The following POFUT3 variants were observed in gnomAD, a reference collection of about 807,000 sequenced individuals.
The protein encoded by POFUT3 is protein O-fucosyltransferase 3, also known as GDP-fucose protein O-fucosyltransferase 3.
chr8:33,382,685 C>G, the POFUT3 span, among the ~76,000 whole-genome samples: 1 of 152,206 alleles, frequency 6.6e-6, no homozygotes, highest in East Asian at 1.9e-4. Context: ...CAAATCATCA[C>G]TGTGCACAAG....
the POFUT3 span, among the ~76,000 whole-genome samples, chr8:33,310,052 T>C: frequency 6.6e-6 from 1 of 152,228 alleles, no homozygotes; most frequent in Non-Finnish European, 1.5e-5. Context: ...GAGTATTTTC[T>C]GAAATGTAGC....
the POFUT3 span, among the ~76,000 whole-genome samples, chr8:33,317,461 A>T: frequency 6.6e-6 from 1 of 152,080 alleles, no homozygotes; most frequent in African/African-American, 2.4e-5. Context: ...GAAATCAGGG[A>T]ATCTTTGAAT....
chr8:33,399,106 T>C, the POFUT3 span, among the ~76,000 whole-genome samples: 1 of 152,326 alleles, frequency 6.6e-6, no homozygotes, highest in South Asian at 2.1e-4. Flanking sequence ...ATTGCAAATC[T>C]TTGAAATTTA....
At chr8:33,405,474 TCA>T in the POFUT3 span, among the ~76,000 whole-genome samples, 4 of 151,470 alleles carry the variant, frequency 2.6e-5, no homozygotes, top group Non-Finnish European at 5.9e-5. Context: ...ACTTTGGCAT[TCA>T]GTTATTCTTT....
the POFUT3 span, among the ~76,000 whole-genome samples, chr8:33,428,734 G>A: frequency 6.6e-6 from 1 of 152,170 alleles, no homozygotes; most frequent in Non-Finnish European, 1.5e-5. Context: ...TAATGCCAAT[G>A]ATAAAAGGGT....
chr8:33,465,969 T>A, the POFUT3 span, among the ~76,000 whole-genome samples: 3 of 152,208 alleles, frequency 2.0e-5, no homozygotes, highest in Non-Finnish European at 4.4e-5. Context: ...ACTGCATAGC[T>A]CAGGTCTATC....
At chr8:33,324,542 T>C in the POFUT3 span, among the ~76,000 whole-genome samples, 1 of 152,096 alleles carries the variant, frequency 6.6e-6, no homozygotes, top group Admixed American at 6.6e-5. Context: ...ATGTGACAAA[T>C]ATAAAACCAA....
chr8:33,310,158 A>G, the POFUT3 span, among the ~76,000 whole-genome samples: 849 of 152,216 alleles, frequency 5.6e-3, 14 homozygotes, highest in African/African-American at 0.019. Flanking sequence ...AGAATCATAG[A>G]ATTCTTCTTA....
At chr8:33,430,888 G>A in the POFUT3 span, among the ~76,000 whole-genome samples, 197 of 152,234 alleles carry the variant, frequency 1.3e-3, 1 homozygote, top group Admixed American at 2.2e-3. Flanking sequence ...GATTACAGGC[G>A]TGAGCCACCG....
At chr8:33,411,736 C>T in the POFUT3 span, among the ~76,000 whole-genome samples, 556 of 152,030 alleles carry the variant, frequency 3.7e-3, 8 homozygotes, top group African/African-American at 0.013. Context: ...TGCAGTGAGC[C>T]GAGATGGTGC....
At chr8:33,405,959 G>A in the POFUT3 span, among the ~76,000 whole-genome samples, 1 of 152,150 alleles carries the variant, frequency 6.6e-6, no homozygotes, top group Non-Finnish European at 1.5e-5. Context: ...GGGAAAACTG[G>A]TATAGCTTTT....
the POFUT3 span, among the ~76,000 whole-genome samples, chr8:33,438,072 A>G: frequency 2.6e-5 from 4 of 152,216 alleles, no homozygotes; most frequent in Non-Finnish European, 5.9e-5. Context: ...TTTTGTGATC[A>G]ATAATTTACT....
chr8:33,360,694 C>G, the POFUT3 span: 1 of 152,194 alleles, frequency 6.6e-6, no homozygotes, highest in African/African-American at 2.4e-5. Flanking sequence ...TAAGGTCCCT[C>G]TACCTACTGT....
At chr8:33,373,868 G>A in the POFUT3 span, among the ~76,000 whole-genome samples, 3 of 152,088 alleles carry the variant, frequency 2.0e-5, no homozygotes, top group Non-Finnish European at 4.4e-5. Flanking sequence ...AGAAGAATAG[G>A]AAAATTAGCA....
chr8:33,378,598 G>A, the POFUT3 span, among the ~76,000 whole-genome samples: 3 of 152,116 alleles, frequency 2.0e-5, no homozygotes, highest in Non-Finnish European at 4.4e-5. Context: ...CCCAACATAA[G>A]TTTACTGCTA....
chr8:33,399,663 T>G, the POFUT3 span, among the ~76,000 whole-genome samples: 3 of 144,798 alleles, frequency 2.1e-5, no homozygotes, highest in East Asian at 2.1e-4. Context: ...TATTTATTTG[T>G]TTTTTTTTTG....
chr8:33,419,986 G>A, the POFUT3 span, among the ~76,000 whole-genome samples: 1 of 151,980 alleles, frequency 6.6e-6, no homozygotes, highest in African/African-American at 2.4e-5. Context: ...AAATTAGCCA[G>A]GTGTGGTGGC....
the POFUT3 span, among the ~76,000 whole-genome samples, chr8:33,403,032 GC>G: frequency 6.6e-6 from 1 of 151,864 alleles, no homozygotes; most frequent in Non-Finnish European, 1.5e-5. Flanking sequence ...CTGCACTCCA[GC>G]CCGGGTGACA....
chr8:33,355,571 G>T, the POFUT3 span, among the ~76,000 whole-genome samples: 1 of 152,016 alleles, frequency 6.6e-6, no homozygotes, highest in Admixed American at 6.6e-5. Flanking sequence ...TTTGAAATTT[G>T]GATCTGCCAA....
Sources: gnomAD v4.1 joint callset for allele counts (sites outside exome capture counted in the v4.1 genomes callset) on GRCh38, gnomAD v4.1.1 for gene constraint, MANE v1.5 for transcripts, NCBI Gene and HGNC (gene_info 2026-07-23, HGNC 2026-07-21) for gene names.